The following ZNF407 variants were observed in gnomAD, a reference collection of about 807,000 sequenced individuals.
ZNF407 encodes the protein zinc finger protein 407.
Under a neutral mutation model 131.2 loss-of-function variants are expected in ZNF407, and 17 were observed. The observed-to-expected ratio is 0.13, with a 90% confidence interval of 0.09 to 0.19. The LOEUF is 0.19. Among genes scored for constraint, ZNF407 ranks in the 10% least tolerant of loss-of-function variants. The probability of loss-of-function intolerance (pLI) is 1.00; values close to 1 mark genes in which losing one functional copy is unlikely to be tolerated. For synonymous variants in ZNF407, 1,156 were observed against 1,062.0 expected (o/e 1.09, Z -1.72); for missense variants, 2,681 against 2,830.6 (o/e 0.95, Z 1.20).
chr18:74,888,460 A>C (rs1971341047), intron 6 of ZNF407, among the ~76,000 whole-genome samples: 1 of 152,132 alleles, frequency 6.6e-6, no homozygotes, highest in Non-Finnish European at 1.5e-5. Context: ...TTTTATCATA[A>C]TCTTTGTACT....
Position 74,631,320 on chromosome 18 carries a change from G to A in ZNF407, c.301G>A (p.Val101Ile). 9 of 1,614,024 alleles carry A rather than the reference G, an allele frequency of 5.6e-6. No individual in the cohort carries two copies. Among genetic ancestry groups the A allele is most frequent in the Non-Finnish European group, 6.8e-6 (8 of 1,179,890 alleles). Residue 101 changes from valine (V) to isoleucine (I), a missense_variant, in exon 2 of 9, where the codon GTC (valine) becomes ATC (isoleucine). By Grantham distance (29) the Val-to-Ile change is conservative (BLOSUM62 3). This residue lies in a region of ZNF407 where 1,789 missense variants were observed against 1,748.7 expected (regional missense o/e 1.02). Coordinates refer to ENST00000299687, the MANE Select transcript of ZNF407 (RefSeq NM_017757.3). The part of the protein sequence containing the change: ...ICRLETSESS[V>I]TEGGIALDET... ...TAGATTAGAAACTTCTGAGAGCTCA[G>A]TCACAGAAGGGGGTATTGCATTAGA...
At chr18:75,007,496 C>T (rs896163723) in intron 8 of ZNF407, among the ~76,000 whole-genome samples, 8 of 152,214 alleles carry the variant, frequency 5.3e-5, no homozygotes, top group African/African-American at 1.9e-4. Flanking sequence ...TGGACATTCT[C>T]GCACACAATC....
rs927174291 is a variant in ZNF407 at position 74,693,394 on chromosome 18, C to G, written c.4802+52272C>G. 1.1e-4 allele frequency among the ~76,000 whole-genome samples: 17 copies of G among 152,060 alleles called. 1 individual carries two copies. Among genetic ancestry groups the G allele is most frequent in the African/African-American group, 4.1e-4 (17 of 41,404 alleles). On this transcript the variant is annotated intron_variant, in intron 3 of 8. Transcript: ENST00000299687. Reference sequence around the variant, plus strand: ...AAAACGTTTTCTAATTTTTGTAATTCTCTTTCTTGGATTATTTAAAAGTGT... The same window carrying G: ...AAAACGTTTTCTAATTTTTGTAATTGTCTTTCTTGGATTATTTAAAAGTGT...
intron 8 of ZNF407, among the ~76,000 whole-genome samples, chr18:74,989,909 ATTAT>A (rs1234727014): frequency 1.3e-5 from 2 of 152,112 alleles, no homozygotes; most frequent in Non-Finnish European, 2.9e-5. Context: ...TTCTGTGATA[ATTAT>A]TTATATACTT....
intron 3 of ZNF407, among the ~76,000 whole-genome samples, chr18:74,674,328 C>T (rs1329749631): frequency 6.6e-6 from 1 of 152,186 alleles, no homozygotes; most frequent in African/African-American, 2.4e-5. Flanking sequence ...GGAGTGCTGA[C>T]ATCATGAAAG....
intron 7 of ZNF407, among the ~76,000 whole-genome samples, chr18:74,907,414 C>G (rs1352513608): frequency 6.6e-6 from 1 of 152,174 alleles, no homozygotes; most frequent in African/African-American, 2.4e-5. Flanking sequence ...TGGAGAAGAT[C>G]CAGCTCCTCC....
rs150124167 is a variant in ZNF407 at position 74,674,615 on chromosome 18, C to G, written c.4802+33493C>G. Among the ~76,000 whole-genome samples, 479 of 152,304 alleles carry G rather than the reference C, an allele frequency of 3.1e-3. 6 individuals are homozygous for G. The highest frequency in any genetic ancestry group is 0.01 in the African/African-American group (428 of 41,556). On this transcript the variant is annotated intron_variant, in intron 3 of 8. Coordinates refer to ENST00000299687, the MANE Select transcript of ZNF407 (RefSeq NM_017757.3). ...TTCTGCTTCTTCACTACCTCTACCA[C>G]TATCTCTACCTAACTTGTAAATGTT...
intron 8 of ZNF407, among the ~76,000 whole-genome samples, chr18:74,923,961 C>T (rs1327365254): frequency 6.6e-6 from 1 of 151,996 alleles, no homozygotes; most frequent in Non-Finnish European, 1.5e-5. Context: ...ACCCTAATGT[C>T]CCTCAAGCAG....
chr18:74,834,098 G>A (rs144894332), intron 4 of ZNF407, among the ~76,000 whole-genome samples: 246 of 152,320 alleles, frequency 1.6e-3, no homozygotes, highest in Middle Eastern at 0.014. Flanking sequence ...AAACTTTGCT[G>A]TATATACTTT....
intron 3 of ZNF407, among the ~76,000 whole-genome samples, chr18:74,726,356 G>A (rs764828372): frequency 2.6e-5 from 4 of 152,166 alleles, no homozygotes; most frequent in Admixed American, 6.5e-5. Flanking sequence ...GTAGAGAACT[G>A]TATAGGACTG....
At chr18:74,737,670 G>C (rs1968450009) in intron 3 of ZNF407, among the ~76,000 whole-genome samples, 2 of 152,160 alleles carry the variant, frequency 1.3e-5, no homozygotes, top group African/African-American at 4.8e-5. Context: ...GAGGACCACA[G>C]ATGCGTGTGT....
intron 8 of ZNF407, among the ~76,000 whole-genome samples, chr18:74,927,508 T>G (rs930374140): frequency 8.5e-5 from 13 of 152,216 alleles, no homozygotes; most frequent in African/African-American, 3.1e-4. Flanking sequence ...GACGGATGGA[T>G]GGAGTCAAAT....
At chr18:74,617,855 G>GC (rs1426045164) in intron 1 of ZNF407, among the ~76,000 whole-genome samples, 5 of 150,240 alleles carry the variant, frequency 3.3e-5, no homozygotes, top group South Asian at 4.2e-4. Context: ...AATCTAAAAC[G>GC]CCCCCCCTAG....
intron 4 of ZNF407, among the ~76,000 whole-genome samples, chr18:74,815,725 A>G (rs1016323966): frequency 6.6e-6 from 1 of 152,170 alleles, no homozygotes; most frequent in Non-Finnish European, 1.5e-5. Flanking sequence ...TTCGAAGTAA[A>G]TCAGTCTCTG....
intron 3 of ZNF407, among the ~76,000 whole-genome samples, chr18:74,660,282 G>A (rs1489251330): frequency 1.3e-5 from 2 of 152,056 alleles, no homozygotes; most frequent in Non-Finnish European, 2.9e-5. Context: ...TGCAAGATTT[G>A]ATAAATGATG....
At chr18:74,647,444 T>TA (rs529450595) in intron 3 of ZNF407, among the ~76,000 whole-genome samples, 67 of 149,462 alleles carry the variant, frequency 4.5e-4, no homozygotes, top group Non-Finnish European at 6.7e-4. Context: ...ACCCCGTCTC[T>TA]AAAAAAAAAA....
intron 3 of ZNF407, among the ~76,000 whole-genome samples, chr18:74,729,443 T>C (rs1175040578): frequency 1.3e-5 from 2 of 152,200 alleles, no homozygotes; most frequent in Non-Finnish European, 2.9e-5. Flanking sequence ...TTACATAGTA[T>C]GGATTCTCAT....
intron 3 of ZNF407, among the ~76,000 whole-genome samples, chr18:74,680,291 C>T (rs563201885): frequency 3.3e-5 from 5 of 151,758 alleles, no homozygotes; most frequent in African/African-American, 4.8e-5. Context: ...CACTTGTAGT[C>T]GCAGCTACTC....
At chr18:74,799,518 A>T (rs767886076) in intron 4 of ZNF407, among the ~76,000 whole-genome samples, 1 of 152,154 alleles carries the variant, frequency 6.6e-6, no homozygotes, top group Non-Finnish European at 1.5e-5. Flanking sequence ...AACTGAAATC[A>T]TGTAACATTG....
Sources: gnomAD v4.1 joint callset for allele counts (sites outside exome capture counted in the v4.1 genomes callset) on GRCh38, gnomAD v4.1.1 for gene constraint, gnomAD v4.1.1 regional missense constraint, MANE v1.5 for transcripts, NCBI Gene and HGNC (gene_info 2026-07-23, HGNC 2026-07-21) for gene names.